Variants in JMJD1C observed in about 807,000 individuals in gnomAD.
The protein encoded by JMJD1C is jumonji domain containing 1C.
JMJD1C carries 31 observed loss-of-function variants against 245.3 expected under a neutral mutation model. The observed-to-expected ratio is 0.13, with a 90% CI of 0.09 to 0.17. JMJD1C has a LOEUF of 0.17. Among genes scored for constraint, JMJD1C ranks in the 10% least tolerant of loss-of-function variants. The pLI is 1.00. For synonymous variants in JMJD1C, 1,057 were observed against 1,017.4 expected, an observed-to-expected ratio of 1.04 and a Z score of -0.74; for missense variants, 2,691 against 3,000.2, an observed-to-expected ratio of 0.90 and a Z score of 2.41.
intron 1 of JMJD1C, among the ~76,000 whole-genome samples, chr10:63,427,117 A>C (rs1014948039): frequency 1.3e-5 from 2 of 152,148 alleles, no homozygotes; most frequent in Non-Finnish European, 2.9e-5. Context: ...CTCTTTTAAG[A>C]TATATTAAGA....
chr10:63,431,770 T>G (rs1031930646), intron 1 of JMJD1C, among the ~76,000 whole-genome samples: 2 of 152,108 alleles, frequency 1.3e-5, no homozygotes, highest in Admixed American at 6.5e-5. Flanking sequence ...TCCCAGCACT[T>G]TGGGAGGCCG....
At chr10:63,436,416 T>C (rs909485614) in intron 1 of JMJD1C, among the ~76,000 whole-genome samples, 2 of 152,234 alleles carry the variant, frequency 1.3e-5, no homozygotes, top group Non-Finnish European at 2.9e-5. Flanking sequence ...AGCTCTCTTG[T>C]ATGGTGGTGT....
intron 2 of JMJD1C, among the ~76,000 whole-genome samples, chr10:63,275,869 A>C (rs939941654): frequency 1.3e-5 from 2 of 152,130 alleles, no homozygotes; most frequent in East Asian, 3.9e-4. Context: ...GATACACGCA[A>C]ATTTTAAGTT....
intron 22 of JMJD1C, among the ~76,000 whole-genome samples, chr10:63,182,644 T>A (rs1843631316): frequency 6.6e-6 from 1 of 152,176 alleles, no homozygotes. Context: ...TGTATCTATG[T>A]CTTTGTAAAG....
intron 2 of JMJD1C, among the ~76,000 whole-genome samples, chr10:63,285,067 G>T (rs892194308): frequency 6.6e-6 from 1 of 152,060 alleles, no homozygotes; most frequent in Non-Finnish European, 1.5e-5. Flanking sequence ...AACTCCTCAC[G>T]GACAGTGACC....
chr10:63,395,626 C>T (rs1383681558), intron 1 of JMJD1C, among the ~76,000 whole-genome samples: 1 of 152,080 alleles, frequency 6.6e-6, no homozygotes, highest in African/African-American at 2.4e-5. Flanking sequence ...TGTGAAATAA[C>T]CTATATTTAC....
chr10:63,474,889 C>A (rs972765955), intron 1 of JMJD1C, among the ~76,000 whole-genome samples: 2 of 151,270 alleles, frequency 1.3e-5, no homozygotes, highest in Non-Finnish European at 2.9e-5. Context: ...TAATGTAATA[C>A]GGAAAATGTG....
At chr10:63,212,037 C>G (rs900620297) in intron 8 of JMJD1C, among the ~76,000 whole-genome samples, 10 of 152,012 alleles carry the variant, frequency 6.6e-5, no homozygotes, top group African/African-American at 2.4e-4. Flanking sequence ...ATGGATGAAC[C>G]TCAAGAATAT....
intron 8 of JMJD1C, among the ~76,000 whole-genome samples, chr10:63,211,853 C>CA (rs1367507524): frequency 1.9e-4 from 26 of 133,650 alleles, no homozygotes; most frequent in South Asian, 9.5e-4. Flanking sequence ...AAAAACCCCA[C>CA]AAAAAAACAA....
Position 63,504,275 on chromosome 10 carries a change from T to C in JMJD1C, n.113+17463A>G, listed in dbSNP as rs148001580. 6.7e-3 allele frequency among the ~76,000 whole-genome samples: 1,022 copies of C among 152,206 alleles called. 4 individuals carry two copies. Among genetic ancestry groups the C allele is most frequent in the Middle Eastern group, 0.017 (5 of 294 alleles). On this transcript the variant is annotated intron_variant and non_coding_transcript_variant, in intron 1 of 3. Transcript: ENST00000633035. ...TCCTGCTCTAACAGAGCTCACATTC[T>C]AATTGGAGGAGGAAACAGAAAACAA... is the stretch of plus-strand genomic sequence containing the variant.
chr10:63,505,186 G>A lies in JMJD1C; in HGVS notation n.113+16552C>T, dbSNP rs760884325. Among the ~76,000 whole-genome samples the A allele has an allele frequency of 9.9e-5, 15 of 151,298 alleles. 1 individual carries two copies. The highest frequency in any genetic ancestry group is 8.4e-4 in the South Asian group (4 of 4,766). On this transcript the variant is annotated intron_variant and non_coding_transcript_variant, in intron 1 of 3. Coordinates refer to the JMJD1C transcript ENST00000633035. ...TAAAAAATTAGCTGGGAATGGTGGC[G>A]GGCGCCTGTAGTCCCAGCTACTAAG...
intron 3 of JMJD1C, among the ~76,000 whole-genome samples, chr10:63,252,550 G>A (rs754534820): frequency 6.6e-6 from 1 of 152,144 alleles, no homozygotes; most frequent in African/African-American, 2.4e-5. Flanking sequence ...ATTTGGACTT[G>A]TTAGTCCCCA....
At chr10:63,456,104 C>T (rs1194418881) in intron 1 of JMJD1C, among the ~76,000 whole-genome samples, 1 of 152,014 alleles carries the variant, frequency 6.6e-6, no homozygotes, top group Non-Finnish European at 1.5e-5. Flanking sequence ...TATTCATATT[C>T]ACAACTTACT....
chr10:63,463,911 A>C (rs1952983286), intron 1 of JMJD1C, among the ~76,000 whole-genome samples: 1 of 152,204 alleles, frequency 6.6e-6, no homozygotes, highest in Non-Finnish European at 1.5e-5. Context: ...CCTTACTAAC[A>C]TATGCAAACT....
chr10:63,280,399 A>C (rs1027120757), intron 2 of JMJD1C, among the ~76,000 whole-genome samples: 5 of 151,836 alleles, frequency 3.3e-5, no homozygotes, highest in African/African-American at 9.7e-5. Context: ...AATACAAAAA[A>C]ATTAGCTGGG....
At chr10:63,212,981 T>C (rs900495534) in intron 8 of JMJD1C, among the ~76,000 whole-genome samples, 10 of 148,466 alleles carry the variant, frequency 6.7e-5, no homozygotes, top group Non-Finnish European at 3.0e-5. Flanking sequence ...AGGTCAGGAG[T>C]TCAAGACCAG....
intron 2 of JMJD1C, among the ~76,000 whole-genome samples, chr10:63,277,372 G>A (rs1016200822): frequency 2.2e-4 from 33 of 151,850 alleles, no homozygotes; most frequent in African/African-American, 8.0e-4. Flanking sequence ...AATACATGAT[G>A]AATAAAGATA....
At chr10:63,300,279 T>A (rs1859923194) in intron 2 of JMJD1C, among the ~76,000 whole-genome samples, 2 of 152,066 alleles carry the variant, frequency 1.3e-5, no homozygotes, top group African/African-American at 4.8e-5. Context: ...CAAACTATCC[T>A]CCCATAGTAA....
chr10:63,465,515 T>C lies in JMJD1C; in HGVS notation c.148A>G (p.Ser50Gly). ...GVIRAVSHRD[S>G]RNPDLAVYVE... ...CTTACCGCCAGGTCCGGATTGCGGCTGTCCCTGTGTGACACGGCTCGGATG... is the reference window on the plus strand; with the variant it reads ...CTTACCGCCAGGTCCGGATTGCGGCCGTCCCTGTGTGACACGGCTCGGATG... Residue 50 changes from serine (S) to glycine (G), a missense_variant, in exon 1 of 26, where the codon AGC becomes GGC. By Grantham distance (56) the Ser-to-Gly change is moderately conservative. Transcript: ENST00000399262. The C allele has an allele frequency of 6.2e-7, 1 of 1,605,226 alleles. No homozygotes were observed. The highest frequency in any genetic ancestry group is 1.1e-5 in the South Asian group (1 of 90,452).
Sources: allele counts gnomAD v4.1 joint callset (sites outside exome capture counted in the v4.1 genomes callset), GRCh38; gene constraint gnomAD v4.1.1; transcripts MANE v1.5; gene names NCBI Gene and HGNC (gene_info 2026-07-23, HGNC 2026-07-21).